Variants in ZC3H18 observed in about 807,000 individuals in gnomAD.
ZC3H18 encodes zinc finger CCCH-type containing 18.
In ZC3H18, 8 loss-of-function variants were observed where a neutral mutation model predicts 106.1. The ratio of observed to expected loss-of-function variants is 0.08; its 90% CI spans 0.04 to 0.14. The LOEUF (loss-of-function observed/expected upper bound fraction) is 0.14. Among genes scored for constraint, ZC3H18 ranks in the 10% least tolerant of loss-of-function variants. The probability of loss-of-function intolerance (pLI) is 1.00; values close to 1 mark genes in which losing one functional copy is unlikely to be tolerated. For synonymous variants in ZC3H18, 635 were observed against 522.1 expected (o/e 1.22, Z -2.95); for missense variants, 1,318 against 1,278.4 (o/e 1.03, Z -0.47).
chr16:88,600,060 C>T lies in ZC3H18; in HGVS notation c.1088+112C>T. The T allele has an allele frequency of 3.0e-6, 4 of 1,320,266 alleles. No homozygotes were observed. The South Asian group carries it at 5.6e-5, about 19-fold the overall frequency. 81.8% of individuals were successfully genotyped at this position (1,320,266 alleles called of 1,614,324 possible). ...TGCGCTCGGCTGAGACCCAGCCCCA[C>T]TCACTGGAGTCTCAGTGACGTTCCT... On this transcript the variant is annotated intron_variant, in intron 6 of 17. Coordinates refer to ENST00000301011, the MANE Select transcript of ZC3H18 (RefSeq NM_144604.4).
chr16:88,610,830 A>G (rs1905235858), intron 7 of ZC3H18, among the ~76,000 whole-genome samples: 1 of 152,194 alleles, frequency 6.6e-6, no homozygotes, highest in South Asian at 2.1e-4. Context: ...CCGTCTCTGG[A>G]TGGACAAATG....
In ZC3H18 at chr16:88,586,700, T is replaced by C; in HGVS notation, c.688+16T>C. 1 of 1,611,810 alleles carries C rather than the reference T, an allele frequency of 6.2e-7. No homozygotes were observed. Among genetic ancestry groups the C allele is most frequent in the East Asian group, 2.2e-5 (1 of 44,850 alleles). On this transcript the variant is annotated intron_variant, in intron 3 of 17. Coordinates refer to ENST00000301011, the MANE Select transcript of ZC3H18 (RefSeq NM_144604.4). ...TTCATGAAAGGTAATTGTCTGCGTG[T>C]GAGGCCTTCTCGCAGCCAGCTGGGG...
At chr16:88,608,397 C>G (rs964005094) in intron 6 of ZC3H18, 4 of 150,528 alleles carry the variant, frequency 2.7e-5, no homozygotes, top group South Asian at 4.2e-4. Context: ...GAGTTTCACT[C>G]TTGTTGCCCA....
At chr16:88,580,739 G>A (rs1342193371) in intron 2 of ZC3H18, among the ~76,000 whole-genome samples, 1 of 152,188 alleles carries the variant, frequency 6.6e-6, no homozygotes, top group Non-Finnish European at 1.5e-5. Context: ...GGGTCCGTGA[G>A]CAGTCAGCTT....
At chr16:88,625,540 A>T (rs1253675322) in intron 13 of ZC3H18, 2 of 478,890 alleles carry the variant, frequency 4.2e-6, no homozygotes, top group Non-Finnish European at 7.6e-6. Context: ...TGCCCTGCTG[A>T]CTTGATGCCC....
chr16:88,592,149 G>A (rs1344774892), intron 3 of ZC3H18, among the ~76,000 whole-genome samples: 1 of 152,172 alleles, frequency 6.6e-6, no homozygotes, highest in Non-Finnish European at 1.5e-5. Flanking sequence ...GTGGTGTGGG[G>A]GCTTCCAGTT....
At chr16:88,609,661 G>A (rs1006235128) in intron 7 of ZC3H18, among the ~76,000 whole-genome samples, 9 of 152,108 alleles carry the variant, frequency 5.9e-5, no homozygotes, top group East Asian at 3.9e-4. Context: ...GTTCAGTGGC[G>A]TGATCTCACC....
intron 8 of ZC3H18, among the ~76,000 whole-genome samples, chr16:88,616,959 C>G (rs1294100624): frequency 6.6e-6 from 1 of 152,166 alleles, no homozygotes; most frequent in Non-Finnish European, 1.5e-5. Flanking sequence ...CCACCCCAAG[C>G]TTCACGAGAG....
chr16:88,609,715 T>G (rs1306682038), intron 7 of ZC3H18, among the ~76,000 whole-genome samples: 1 of 152,188 alleles, frequency 6.6e-6, no homozygotes, highest in Non-Finnish European at 1.5e-5. Context: ...TTCTCCTGCC[T>G]CAGCCTCCTG....
At chr16:88,579,848 A>G (rs1476257652) in intron 2 of ZC3H18, among the ~76,000 whole-genome samples, 2 of 152,172 alleles carry the variant, frequency 1.3e-5, no homozygotes, top group Admixed American at 6.5e-5. Context: ...CCTGGACACC[A>G]GCACAGGTGG....
intron 3 of ZC3H18, among the ~76,000 whole-genome samples, chr16:88,593,558 G>C (rs1174395034): frequency 6.6e-6 from 1 of 152,256 alleles, no homozygotes; most frequent in Non-Finnish European, 1.5e-5. Flanking sequence ...GTGTGTCTCA[G>C]TACTCAGCGT....
chr16:88,570,476 A>C lies in ZC3H18; in HGVS notation c.-105A>C, dbSNP rs997566490. 1 of 151,774 alleles carries C rather than the reference A, an allele frequency of 6.6e-6. No homozygotes were observed. Among genetic ancestry groups the C allele is most frequent in the Non-Finnish European group, 1.5e-5 (1 of 67,940 alleles). 9.4% of individuals were successfully genotyped at this position (151,774 alleles called of 1,614,324 possible). A position where few individuals can be genotyped will look rare whatever the true frequency, so the allele number is the denominator to read the frequency against. ...CGCCCGTGTCGAGCCTGGAGCCAGA[A>C]CCTGTGAAGAGCGGAAGGGCCAAGG... On this transcript the variant is annotated 5_prime_UTR_variant, in exon 1 of 18. Coordinates refer to ENST00000301011, the MANE Select transcript of ZC3H18 (RefSeq NM_144604.4).
chr16:88,624,168 A>G, intron 11 of ZC3H18, 106 bp downstream of exon 11: 1 of 1,475,688 alleles, frequency 6.8e-7, no homozygotes, highest in South Asian at 1.3e-5. Context: ...CAAAGAGGTG[A>G]GGATGCCTCA....
At chr16:88,576,231 A>G (rs891258326) in intron 1 of ZC3H18, among the ~76,000 whole-genome samples, 2 of 151,020 alleles carry the variant, frequency 1.3e-5, no homozygotes, top group Non-Finnish European at 3.0e-5. Flanking sequence ...TTACAGAGAC[A>G]GGGTCTCACC....
At chr16:88,606,232 T>G (rs925455665) in intron 6 of ZC3H18, among the ~76,000 whole-genome samples, 1 of 152,220 alleles carries the variant, frequency 6.6e-6, no homozygotes, top group African/African-American at 2.4e-5. Context: ...CCTTCCAAAT[T>G]CATTTCAAGA....
intron 6 of ZC3H18, among the ~76,000 whole-genome samples, chr16:88,600,439 G>C (rs1302863907): frequency 6.6e-6 from 1 of 152,170 alleles, no homozygotes; most frequent in Non-Finnish European, 1.5e-5. Context: ...CCGAGGCAGA[G>C]TCTTGCTCTG....
chr16:88,572,838 A>G (rs750251149), intron 1 of ZC3H18, among the ~76,000 whole-genome samples: 2 of 151,700 alleles, frequency 1.3e-5, no homozygotes, highest in Admixed American at 6.6e-5. Flanking sequence ...GCTCACTGCA[A>G]CCTCCTCCTC....
chr16:88,608,151 C>G (rs1277767449), intron 6 of ZC3H18, among the ~76,000 whole-genome samples: 4 of 152,096 alleles, frequency 2.6e-5, no homozygotes, highest in Non-Finnish European at 5.9e-5. Context: ...AATCTGAGCT[C>G]GTTTTGCTCC....
Position 88,631,450 on chromosome 16 carries a change from G to T in ZC3H18, c.*151G>T. ...CTCAGCTGGAAAAGAAGCCACACAG[G>T]AAATGACAACGACGCTGAATCCCAG... is the stretch of plus-strand genomic sequence containing the variant. On this transcript the variant is annotated 3_prime_UTR_variant, in exon 18 of 18. Coordinates refer to ENST00000301011, the MANE Select transcript of ZC3H18 (RefSeq NM_144604.4). 2 of 1,096,824 alleles carry T rather than the reference G, an allele frequency of 1.8e-6. No homozygotes were observed. The highest frequency in any genetic ancestry group is 2.4e-5 in the Admixed American group (1 of 42,064). 67.9% of individuals were successfully genotyped at this position (1,096,824 alleles called of 1,614,324 possible). A position where few individuals can be genotyped will look rare whatever the true frequency, so the allele number is the denominator to read the frequency against.
Sources: allele counts gnomAD v4.1 joint callset (sites outside exome capture counted in the v4.1 genomes callset), GRCh38; gene constraint gnomAD v4.1.1; transcripts MANE v1.5; gene names NCBI Gene and HGNC (gene_info 2026-07-23, HGNC 2026-07-21).